The following ARHGAP6 variants were observed in gnomAD, a reference collection of about 807,000 sequenced individuals.
ARHGAP6 encodes the protein Rho GTPase activating protein 6.
In ARHGAP6, 16 loss-of-function variants were observed where a neutral mutation model predicts 55.7. The observed-to-expected ratio is 0.29, with a 90% CI of 0.19 to 0.44. The LOEUF is 0.44. ARHGAP6 is among the 20% of genes least tolerant of loss of function. The pLI is 1.00. For missense variants in ARHGAP6, 698 were observed against 808.9 expected, an observed-to-expected ratio of 0.86 and a Z score of 1.66; for synonymous variants, 382 against 360.9, an observed-to-expected ratio of 1.06 and a Z score of -0.66.
intron 1 of ARHGAP6, among the ~76,000 whole-genome samples, chrX:11,443,470 C>T (rs2050062185): frequency 8.9e-6 from 1 of 111,908 alleles, no homozygotes; most frequent in South Asian, 3.8e-4. Flanking sequence ...TAGACACTGC[C>T]CAACAGCTTC....
At chrX:11,258,616 A>C (rs1455184898) in intron 1 of ARHGAP6, among the ~76,000 whole-genome samples, 1 of 112,001 alleles carries the variant, frequency 8.9e-6, no homozygotes, top group African/African-American at 3.2e-5. Flanking sequence ...ATGTTTTTTC[A>C]AACTGTTTAC....
intron 1 of ARHGAP6, among the ~76,000 whole-genome samples, chrX:11,373,968 G>A (rs369953028): frequency 9.0e-6 from 1 of 111,629 alleles, no homozygotes; most frequent in Non-Finnish European, 1.9e-5. Flanking sequence ...TTATTATTGA[G>A]ACCAAGCAAT....
At chrX:11,607,531 G>C (rs1250415305) in intron 1 of ARHGAP6, among the ~76,000 whole-genome samples, 1 of 112,358 alleles carries the variant, frequency 8.9e-6, no homozygotes, top group Non-Finnish European at 1.9e-5. Flanking sequence ...AGATGGGTTA[G>C]ATGATGTTGG....
intron 1 of ARHGAP6, among the ~76,000 whole-genome samples, chrX:11,495,877 A>G (rs2050617320): frequency 8.9e-6 from 1 of 112,758 alleles, no homozygotes; most frequent in Non-Finnish European, 1.9e-5. Flanking sequence ...GCTTGCATGC[A>G]TTCATAAAGT....
intron 1 of ARHGAP6, among the ~76,000 whole-genome samples, chrX:11,654,218 G>T (rs1465735591): frequency 9.0e-6 from 1 of 111,522 alleles, no homozygotes; most frequent in African/African-American, 3.3e-5. Context: ...CAAAGTACCA[G>T]CTTGCCCAAT....
chrX:11,209,678 A>G (rs2046761344), intron 2 of ARHGAP6, among the ~76,000 whole-genome samples: 3 of 112,341 alleles, frequency 2.7e-5, no homozygotes, highest in Admixed American at 1.9e-4. Flanking sequence ...CAAGTACAAA[A>G]GAAAAATTAA....
intron 1 of ARHGAP6, among the ~76,000 whole-genome samples, chrX:11,509,897 T>C (rs947278732): frequency 8.9e-6 from 1 of 111,924 alleles, no homozygotes; most frequent in African/African-American, 3.2e-5. Flanking sequence ...AGTGGTTTCA[T>C]AGGCCCCACT....
Position 11,138,784 on chromosome X carries a change from C to T in ARHGAP6, c.*79G>A, listed in dbSNP as rs2045578102. On this transcript the variant is annotated 3_prime_UTR_variant, in exon 13 of 13. Coordinates refer to ENST00000337414, the MANE Select transcript of ARHGAP6 (RefSeq NM_013427.3). ...GTGTGAAAGAAGAACACTAAGTGTG[C>T]CAGTGGCCACCACCCACGGTCCCCC... 1.1e-5 allele frequency: 11 copies of T among 1,009,983 alleles called. No individual in the cohort carries two copies. Among genetic ancestry groups the T allele is most frequent in the Non-Finnish European group, 1.5e-5 (11 of 751,578 alleles). The allele number at this position is 1,009,983 out of a possible 1,213,427, so 83.2% of individuals were successfully genotyped here. A position where few individuals can be genotyped will look rare whatever the true frequency, so the allele number is the denominator to read the frequency against.
intron 1 of ARHGAP6, among the ~76,000 whole-genome samples, chrX:11,401,963 GTTA>G (rs756250332): frequency 8.9e-6 from 1 of 112,036 alleles, no homozygotes; most frequent in South Asian, 3.7e-4. Flanking sequence ...ATTCAGTGGT[GTTA>G]TTATTTAGTC....
At chrX:11,485,969 T>C (rs1381221469) in intron 1 of ARHGAP6, among the ~76,000 whole-genome samples, 2 of 112,204 alleles carry the variant, frequency 1.8e-5, no homozygotes, top group East Asian at 5.6e-4. Flanking sequence ...AGAGCAGATA[T>C]TTTATTTGAT....
At chrX:11,250,580 T>C (rs771430489) in intron 2 of ARHGAP6, among the ~76,000 whole-genome samples, 1 of 111,945 alleles carries the variant, frequency 8.9e-6, no homozygotes, top group East Asian at 2.8e-4. Context: ...CTTTGACTTT[T>C]CTAGCTTGTA....
chrX:11,215,322 G>T (rs1306870283), intron 2 of ARHGAP6, among the ~76,000 whole-genome samples: 5 of 112,960 alleles, frequency 4.4e-5, no homozygotes, highest in African/African-American at 1.6e-4. Flanking sequence ...GGTCGCTGGG[G>T]GACCCAGGAG....
chrX:11,375,198 T>C (rs774605086), intron 1 of ARHGAP6, among the ~76,000 whole-genome samples: 1 of 112,200 alleles, frequency 8.9e-6, no homozygotes, highest in African/African-American at 3.2e-5. Flanking sequence ...TCTGAACAGA[T>C]TTGTTCTGGG....
intron 1 of ARHGAP6, chrX:11,427,683 G>T: frequency 1.2e-6 from 1 of 831,916 alleles, no homozygotes; most frequent in Non-Finnish European, 1.5e-6. Flanking sequence ...GCCATCCTGG[G>T]GCAGCCCCTG....
In ARHGAP6 at chrX:11,366,940, T is replaced by C. The variant is rs193148719; in HGVS notation, c.589-112233A>G. On this transcript the variant is annotated intron_variant, in intron 1 of 12. Transcript: ENST00000337414. Reference sequence around the variant, plus strand: ...GAGGAGAAGAGGCCTAAGATGGAAGTATGTTTAAGGAGCAGGTGAGGAATA... The same window carrying C: ...GAGGAGAAGAGGCCTAAGATGGAAGCATGTTTAAGGAGCAGGTGAGGAATA... Among the ~76,000 whole-genome samples the C allele has an allele frequency of 4.3e-3, 483 of 111,201 alleles. 3 individuals are homozygous for C. Among genetic ancestry groups the C allele is most frequent in the African/African-American group, 0.015 (463 of 30,574 alleles).
intron 11 of ARHGAP6, 45 bp from the exon 12 acceptor site, chrX:11,142,358 T>C (rs753382624): frequency 9.5e-6 from 9 of 950,449 alleles, no homozygotes; most frequent in South Asian, 2.2e-5. Flanking sequence ...AAAAGGAAAA[T>C]TAAAAATCAA....
At chrX:11,192,780 G>C (rs2046477573) in intron 3 of ARHGAP6, among the ~76,000 whole-genome samples, 2 of 111,476 alleles carry the variant, frequency 1.8e-5, no homozygotes, top group Admixed American at 9.5e-5. Flanking sequence ...GTCCTGGCAG[G>C]GGTTGTGGGG....
chrX:11,427,349 C>T (rs890631599), intron 1 of ARHGAP6, among the ~76,000 whole-genome samples: 13 of 112,351 alleles, frequency 1.2e-4, no homozygotes, highest in Admixed American at 4.7e-4. Flanking sequence ...GTTGGGGCTC[C>T]CCTGTACCTT....
intron 1 of ARHGAP6, among the ~76,000 whole-genome samples, chrX:11,321,792 G>T (rs1196574447): frequency 9.0e-6 from 1 of 111,720 alleles, no homozygotes; most frequent in Non-Finnish European, 1.9e-5. Flanking sequence ...TTTGCCACAG[G>T]AATGGCGCAC....
Sources: allele counts gnomAD v4.1 joint callset (sites outside exome capture counted in the v4.1 genomes callset), GRCh38; gene constraint gnomAD v4.1.1; transcripts MANE v1.5; gene names NCBI Gene and HGNC (gene_info 2026-07-23, HGNC 2026-07-21).